Variants in SNRPN observed in about 807,000 individuals in gnomAD.
SNRPN encodes small nuclear ribonucleoprotein polypeptide N.
Under a neutral mutation model 25.2 loss-of-function variants are expected in SNRPN, and 7 were observed. That is an observed-to-expected ratio of 0.28 (90% CI 0.16 to 0.52). The LOEUF is 0.52. SNRPN is among the 20% of genes least tolerant of loss of function. The pLI is 0.96. For missense variants in SNRPN, 196 were observed against 322.5 expected (o/e 0.61, Z 3.00); for synonymous variants, 124 against 110.6 (o/e 1.12, Z -0.76).
rs567900974 is a variant in SNRPN at position 24,838,058 on chromosome 15, G to A, written c.-579+8153G>A. Reference sequence around the variant, plus strand: ...TTATTTATTTTTTTTTTTTTGAGACGGAGTCTCGCTCTGTCGCCTAGGCTG... The same window carrying A: ...TTATTTATTTTTTTTTTTTTGAGACAGAGTCTCGCTCTGTCGCCTAGGCTG... On this transcript the variant is annotated intron_variant, in intron 2 of 12. Transcript: ENST00000400100. Among the ~76,000 whole-genome samples the A allele has an allele frequency of 4.7e-3, 677 of 145,492 alleles. 8 individuals carry two copies. The highest frequency in any genetic ancestry group is 7.1e-3 in the Non-Finnish European group (473 of 66,794).
intron 3 of SNRPN, among the ~76,000 whole-genome samples, chr15:24,933,459 G>C (rs574461460): frequency 1.3e-5 from 2 of 152,128 alleles, no homozygotes; most frequent in East Asian, 3.9e-4. Context: ...GAAAACGGTG[G>C]TTGAGTTGGG....
chr15:24,965,613 T>G (rs2075500060), intron 2 of SNRPN, among the ~76,000 whole-genome samples: 1 of 152,212 alleles, frequency 6.6e-6, no homozygotes, highest in South Asian at 2.1e-4. Context: ...GTCACTAAAT[T>G]AGCTCTTATT....
Position 24,976,407 on chromosome 15 carries a change from C to T in SNRPN, c.258C>T (p.Pro86=), listed in dbSNP as rs778345787. 4.4e-6 allele frequency: 7 copies of T among 1,606,724 alleles called. No individual in the cohort carries two copies. Among genetic ancestry groups the T allele is most frequent in the African/African-American group, 1.3e-5 (1 of 74,722 alleles). Residue 86 remains proline (P), a synonymous_variant, in exon 6 of 10, where the codon CCC becomes CCT. Coordinates refer to ENST00000390687, the MANE Select transcript of SNRPN (RefSeq NM_003097.6). ...NLVSMTVEGP[P]PKDTGIARVP... is the part of the protein sequence containing the mutation. ...TATCCATGACTGTGGAGGGGCCACC[C>T]CCCAAAGATGTAAGGAAGATGTAGG... is the stretch of plus-strand genomic sequence containing the variant.
chr15:24,927,516 T>A, intron 3 of SNRPN, among the ~76,000 whole-genome samples: 1 of 112,692 alleles, frequency 8.9e-6, no homozygotes. Flanking sequence ...TTTTTTTTTT[T>A]TTACTTTTGA....
At chr15:24,930,749 AT>A (rs918649384) in intron 3 of SNRPN, among the ~76,000 whole-genome samples, 1 of 152,092 alleles carries the variant, frequency 6.6e-6, no homozygotes, top group Non-Finnish European at 1.5e-5. Context: ...AAAATAAAAA[AT>A]TAGCAGGGCA....
chr15:24,867,653 C>T (rs1396407464), intron 1 of SNRPN, among the ~76,000 whole-genome samples: 4 of 152,122 alleles, frequency 2.6e-5, no homozygotes, highest in Non-Finnish European at 4.4e-5. Context: ...GGATTACAGG[C>T]GTGAGCCACT....
At chr15:24,919,172 G>A (rs544744588) in intron 2 of SNRPN, among the ~76,000 whole-genome samples, 100 of 151,702 alleles carry the variant, frequency 6.6e-4, no homozygotes, top group African/African-American at 2.2e-3. Context: ...GCTCACGCCT[G>A]TAATCCCAGC....
At chr15:24,954,866 A>C, upstream of SNRPN, 1 of 773,550 alleles carries the variant, frequency 1.3e-6, no homozygotes, top group South Asian at 1.7e-5. Context: ...CCGGTGAGGG[A>C]GGGAGCTGGG....
chr15:24,891,610 G>C (rs1595735061), intron 2 of SNRPN, among the ~76,000 whole-genome samples: 1 of 151,946 alleles, frequency 6.6e-6, no homozygotes, highest in Non-Finnish European at 1.5e-5. Flanking sequence ...GCTAATTTTT[G>C]TATTTTTAGT....
At chr15:24,933,048 G>A (rs2060982174) in intron 3 of SNRPN, among the ~76,000 whole-genome samples, 1 of 152,152 alleles carries the variant, frequency 6.6e-6, no homozygotes, top group Non-Finnish European at 1.5e-5. Flanking sequence ...GATTACTTGA[G>A]TCCAGGAGTT....
chr15:24,848,058 G>T (rs950206848), intron 2 of SNRPN, among the ~76,000 whole-genome samples: 3 of 151,872 alleles, frequency 2.0e-5, no homozygotes, highest in South Asian at 4.1e-4. Flanking sequence ...TCATGTCTCC[G>T]TGGCAGGGCC....
At chr15:24,905,851 G>A (rs1055627863) in intron 2 of SNRPN, among the ~76,000 whole-genome samples, 1 of 152,152 alleles carries the variant, frequency 6.6e-6, no homozygotes, top group African/African-American at 2.4e-5. Context: ...TTTACAGTTT[G>A]TATGTCTTTG....
chr15:24,902,192 C>G (rs1257133796), intron 2 of SNRPN, among the ~76,000 whole-genome samples: 1 of 152,116 alleles, frequency 6.6e-6, no homozygotes, highest in Non-Finnish European at 1.5e-5. Context: ...ATTCAGCTTT[C>G]TTCCTGTACT....
intron 2 of SNRPN, among the ~76,000 whole-genome samples, chr15:24,892,951 G>A (rs1194979608): frequency 6.6e-6 from 1 of 152,136 alleles, no homozygotes; most frequent in Admixed American, 6.5e-5. Context: ...GCTTATGCCT[G>A]TAATCCCAGC....
At chr15:24,857,252 T>C (rs1367569066) in intron 1 of SNRPN, among the ~76,000 whole-genome samples, 1 of 152,196 alleles carries the variant, frequency 6.6e-6, no homozygotes, top group Non-Finnish European at 1.5e-5. Flanking sequence ...TGTCGTCATG[T>C]TGTTTGCTTT....
intron 2 of SNRPN, among the ~76,000 whole-genome samples, chr15:24,918,690 C>A: frequency 3.4e-5 from 3 of 89,340 alleles, no homozygotes; most frequent in African/African-American, 4.4e-5. Context: ...ATATATATAA[C>A]ATAATATATA....
intron 3 of SNRPN, among the ~76,000 whole-genome samples, chr15:24,973,032 C>T (rs570170603): frequency 9.9e-5 from 15 of 152,108 alleles, no homozygotes; most frequent in South Asian, 8.3e-4. Flanking sequence ...GGATTACAGG[C>T]GCCTGCCACC....
intron 2 of SNRPN, chr15:24,909,398 A>C (rs1482555027): frequency 6.3e-7 from 1 of 1,598,876 alleles, no homozygotes; most frequent in Non-Finnish European, 8.5e-7. Context: ...ATAGCAGGTA[A>C]AGGCACTTGG....
At chr15:24,878,830 A>C (rs2056286370) in intron 1 of SNRPN, among the ~76,000 whole-genome samples, 1 of 152,036 alleles carries the variant, frequency 6.6e-6, no homozygotes, top group South Asian at 2.1e-4. Context: ...ATACTACTTT[A>C]ATCATTTCTG....
Sources: gnomAD v4.1 joint callset for allele counts (sites outside exome capture counted in the v4.1 genomes callset) on GRCh38, gnomAD v4.1.1 for gene constraint, MANE v1.5 for transcripts, NCBI Gene and HGNC (gene_info 2026-07-23, HGNC 2026-07-21) for gene names.